The following COL14A1 variants were observed in gnomAD, a reference collection of about 807,000 sequenced individuals.
COL14A1 encodes collagen type XIV alpha 1 chain.
A neutral mutation model predicts 230.3 loss-of-function variants in COL14A1; 136 were observed. That is an observed-to-expected ratio of 0.59 (90% confidence interval 0.51 to 0.68). The LOEUF (loss-of-function observed/expected upper bound fraction) is 0.68, where lower values mean the gene tolerates loss of function less well. Ranked by LOEUF, COL14A1 falls within the 30% of genes least tolerant of loss-of-function variation. The pLI is 0.00. For synonymous variants in COL14A1, 792 were observed against 784.1 expected, an observed-to-expected ratio of 1.01 and a Z score of -0.17; for missense variants, 1,976 against 2,215.8, an observed-to-expected ratio of 0.89 and a Z score of 2.17.
intron 5 of COL14A1, among the ~76,000 whole-genome samples, chr8:120,173,640 T>TTATCTGTCTC (rs1217794843): frequency 3.6e-5 from 5 of 139,986 alleles, no homozygotes; most frequent in African/African-American, 1.3e-4. Context: ...CATCTTTGTA[T>TTATCTGTCTC]TATCTGTCTC....
At chr8:120,173,571 C>A (rs1465488307) in intron 5 of COL14A1, among the ~76,000 whole-genome samples, 2 of 151,862 alleles carry the variant, frequency 1.3e-5, no homozygotes, top group Non-Finnish European at 2.9e-5. Flanking sequence ...AATCATCTAT[C>A]TATCTATCTA....
At chr8:120,318,064 T>C (rs1821296718) in intron 40 of COL14A1, among the ~76,000 whole-genome samples, 2 of 152,198 alleles carry the variant, frequency 1.3e-5, no homozygotes, top group Non-Finnish European at 2.9e-5. Flanking sequence ...CAATATCATT[T>C]CAATGTGCAA....
chr8:120,155,255 A>C (rs537202396), intron 2 of COL14A1, among the ~76,000 whole-genome samples: 1 of 152,148 alleles, frequency 6.6e-6, no homozygotes, highest in Non-Finnish European at 1.5e-5. Context: ...TAGAGTATTG[A>C]TGGATTTGGT....
chr8:120,224,910 G>A (rs1256258110), intron 14 of COL14A1, among the ~76,000 whole-genome samples, 178 bp from the exon 15 acceptor site: 2 of 152,212 alleles, frequency 1.3e-5, no homozygotes, highest in Non-Finnish European at 2.9e-5. Flanking sequence ...ATTCACTGAT[G>A]GGTAATCTAA....
rs1816757024 is a variant in COL14A1 at position 120,189,737 on chromosome 8, T to C, written c.437-7054T>C. ...CCTATGAGTGAGAACATGCGGTGTT[T>C]GGTTTTTTGTCCTTGCGATAGTTTA... On this transcript the variant is annotated intron_variant, in intron 5 of 47. Coordinates refer to ENST00000297848, the MANE Select transcript of COL14A1 (RefSeq NM_021110.4). 3.2e-5 allele frequency among the ~76,000 whole-genome samples: 4 copies of C among 126,714 alleles called. No homozygotes were observed. The South Asian group carries it at 1.0e-3, about 32-fold the overall frequency. 83.1% of individuals were successfully genotyped at this position (126,714 alleles called of 152,430 possible).
At chr8:120,258,357 G>T (rs1819221956) in intron 23 of COL14A1, among the ~76,000 whole-genome samples, 1 of 152,150 alleles carries the variant, frequency 6.6e-6, no homozygotes, top group Non-Finnish European at 1.5e-5. Context: ...TCCAACAGAA[G>T]TCCAGGAACT....
chr8:120,258,276 C>G (rs1458647162), intron 23 of COL14A1, among the ~76,000 whole-genome samples: 2 of 152,130 alleles, frequency 1.3e-5, no homozygotes, highest in Admixed American at 1.3e-4. Context: ...TGAGTCAGAT[C>G]CAGAATTACA....
chr8:120,323,473 TG>T (rs1821536110), intron 40 of COL14A1, among the ~76,000 whole-genome samples: 1 of 152,138 alleles, frequency 6.6e-6, no homozygotes, highest in African/African-American at 2.4e-5. Context: ...TTGGCATCTT[TG>T]TCATGAAATC....
chr8:120,278,394 G>T (rs751306840), intron 27 of COL14A1, 41 bp from the exon 28 acceptor site: 2 of 1,586,538 alleles, frequency 1.3e-6, no homozygotes, highest in East Asian at 2.3e-5. Flanking sequence ...AAACAAAAAT[G>T]GGAGGGAGTG....
At chr8:120,191,134 G>C (rs1191453646) in intron 5 of COL14A1, among the ~76,000 whole-genome samples, 1 of 136,542 alleles carries the variant, frequency 7.3e-6, no homozygotes, top group African/African-American at 2.8e-5. Flanking sequence ...TAATTGTGAT[G>C]TTAGGGTGTC....
chr8:120,309,850 A>G (rs1268715938), intron 36 of COL14A1, among the ~76,000 whole-genome samples, 159 bp from the exon 37 acceptor site: 1 of 152,220 alleles, frequency 6.6e-6, no homozygotes, highest in African/African-American at 2.4e-5. Context: ...GCTGGGTGGT[A>G]AATTTCCAGT....
In COL14A1 at chr8:120,161,664, C is replaced by T. The variant is rs1317261347; in HGVS notation, c.206-762C>T. Among the ~76,000 whole-genome samples the T allele has an allele frequency of 4.6e-5, 7 of 152,156 alleles. No homozygotes were observed. The South Asian group carries it at 1.5e-3, about 32-fold the overall frequency. On this transcript the variant is annotated intron_variant, in intron 3 of 47. Coordinates refer to ENST00000297848, the MANE Select transcript of COL14A1 (RefSeq NM_021110.4). ...TACCTTCGGCCTGCCCATATCTCCC[C>T]TTCACATTTTTTTTTTGAGGCGGAG...
At chr8:120,298,595 T>TA (rs1160337017) in intron 35 of COL14A1, among the ~76,000 whole-genome samples, 1 of 46,938 alleles carries the variant, frequency 2.1e-5, no homozygotes, top group East Asian at 8.7e-4. Context: ...TACCCATATA[T>TA]TTTATATATA....
At chr8:120,213,878 A>G (rs1817678159) in intron 13 of COL14A1, 2 of 371,926 alleles carry the variant, frequency 5.4e-6, no homozygotes, top group South Asian at 2.1e-5. Context: ...TTTAGAGCCA[A>G]ATGTGCACAC....
intron 1 of COL14A1, among the ~76,000 whole-genome samples, chr8:120,133,236 A>T (rs1264325736): frequency 3.3e-5 from 5 of 151,946 alleles, no homozygotes; most frequent in African/African-American, 7.2e-5. Context: ...AAAATAAAAA[A>T]AAAAAAAATA....
chr8:120,345,252 T>A, intron 44 of COL14A1, 123 bp from the exon 45 acceptor site: 1 of 788,634 alleles, frequency 1.3e-6, no homozygotes, highest in Non-Finnish European at 2.0e-6. Flanking sequence ...TTCAAAGGGG[T>A]GTGATTTTTC....
chr8:120,147,420 G>A (rs577146983), intron 1 of COL14A1, among the ~76,000 whole-genome samples: 1 of 152,298 alleles, frequency 6.6e-6, no homozygotes, highest in South Asian at 2.1e-4. Flanking sequence ...AACAGTAGGA[G>A]TTTATGTGAA....
chr8:120,318,508 G>A (rs1821318155), intron 40 of COL14A1, among the ~76,000 whole-genome samples: 1 of 152,154 alleles, frequency 6.6e-6, no homozygotes, highest in East Asian at 1.9e-4. Context: ...TTCTAACACA[G>A]TTAGATATTA....
rs1817639861 is a variant in COL14A1, at chr8:120,212,464, C to A, written c.1484C>A (p.Thr495Asn). Reference protein sequence around the residue: ...GDEKEMKIGETHTDIELSGLL... With the variant: ...GDEKEMKIGENHTDIELSGLL... ...TCTTTTCAGATGAAAATTGGAGAGA[C>A]CCACACAGATATTGAATTGAGTGGG... The change falls in exon 13 of 48, where the codon ACC becomes AAC. Residue 495 changes from threonine (T) to asparagine (N), a missense_variant. By Grantham distance (65) the Thr-to-Asn change is moderately conservative (BLOSUM62 0). This residue lies in a region of COL14A1 where 1,791 missense variants were observed against 2,019.5 expected (regional missense o/e 0.89). Coordinates refer to ENST00000297848, the MANE Select transcript of COL14A1 (RefSeq NM_021110.4). 1 of 1,613,098 alleles carries A rather than the reference C, an allele frequency of 6.2e-7. No homozygotes were observed. Among genetic ancestry groups the A allele is most frequent in the Non-Finnish European group, 8.5e-7 (1 of 1,179,480 alleles).
Sources: allele counts gnomAD v4.1 joint callset (sites outside exome capture counted in the v4.1 genomes callset), GRCh38; gene constraint gnomAD v4.1.1; regional missense constraint gnomAD v4.1.1; transcripts MANE v1.5; gene names NCBI Gene and HGNC (gene_info 2026-07-23, HGNC 2026-07-21).